The following BRINP3 variants were observed in gnomAD, a reference collection of about 807,000 sequenced individuals.
BRINP3 encodes BMP/retinoic acid-inducible neural-specific protein 3.
Under a neutral mutation model 71.0 loss-of-function variants are expected in BRINP3, and 19 were observed. That is an observed-to-expected ratio of 0.27 (90% CI 0.19 to 0.39). BRINP3 has a LOEUF of 0.39. Ranked by LOEUF, BRINP3 falls within the 10% of genes least tolerant of loss-of-function variation. The pLI is 1.00. For missense variants in BRINP3, 959 were observed against 940.8 expected (o/e 1.02, Z -0.25); for synonymous variants, 380 against 337.7 (o/e 1.13, Z -1.37).
chr1:190,206,711 A>C (rs978947643), intron 6 of BRINP3, among the ~76,000 whole-genome samples: 12 of 152,138 alleles, frequency 7.9e-5, no homozygotes, highest in African/African-American at 2.9e-4. Flanking sequence ...TCTGAATTCC[A>C]ATGACAAATT....
At chr1:190,290,921 G>A (rs549608669) in intron 2 of BRINP3, among the ~76,000 whole-genome samples, 1 of 152,016 alleles carries the variant, frequency 6.6e-6, no homozygotes, top group East Asian at 1.9e-4. Flanking sequence ...GTGTGTGTGT[G>A]TGTATTTGTG....
chr1:190,130,805 C>T (rs972370969), intron 7 of BRINP3, among the ~76,000 whole-genome samples: 5 of 151,888 alleles, frequency 3.3e-5, no homozygotes, highest in African/African-American at 9.7e-5. Context: ...ATAAAACAGG[C>T]GGTGCTTTCC....
chr1:190,412,855 G>C (rs1317016773), intron 2 of BRINP3, among the ~76,000 whole-genome samples: 1 of 151,944 alleles, frequency 6.6e-6, no homozygotes, highest in Non-Finnish European at 1.5e-5. Flanking sequence ...TGGGTTAAAA[G>C]TGCATGGTAG....
At chr1:190,291,061 T>C (rs763586517) in intron 2 of BRINP3, among the ~76,000 whole-genome samples, 26 of 151,954 alleles carry the variant, frequency 1.7e-4, no homozygotes, top group Non-Finnish European at 2.9e-4. Context: ...GAAATACTAA[T>C]ATATATCAAA....
intron 7 of BRINP3, among the ~76,000 whole-genome samples, chr1:190,131,417 A>G (rs1247986133): frequency 4.6e-5 from 7 of 151,972 alleles, no homozygotes; most frequent in Admixed American, 4.6e-4. Flanking sequence ...CTATCCTAAC[A>G]TGGTACATAA....
At chr1:190,148,156 T>C (rs1489040987) in intron 7 of BRINP3, among the ~76,000 whole-genome samples, 2 of 152,130 alleles carry the variant, frequency 1.3e-5, no homozygotes, top group Non-Finnish European at 2.9e-5. Context: ...TGGTGCTGAG[T>C]CTTTTTTCAT....
intron 4 of BRINP3, among the ~76,000 whole-genome samples, chr1:190,243,852 T>G (rs1364403072): frequency 2.6e-5 from 4 of 152,158 alleles, no homozygotes; most frequent in Admixed American, 6.6e-5. Flanking sequence ...CAGTGTTGAT[T>G]ATATTCATTT....
chr1:190,353,293 C>T (rs1351150616), intron 2 of BRINP3, among the ~76,000 whole-genome samples: 1 of 151,894 alleles, frequency 6.6e-6, no homozygotes. Flanking sequence ...TTTAGTATTC[C>T]TCAGCATGAT....
At chr1:190,132,910 G>T (rs552651630) in intron 7 of BRINP3, among the ~76,000 whole-genome samples, 2 of 152,120 alleles carry the variant, frequency 1.3e-5, no homozygotes, top group African/African-American at 4.8e-5. Flanking sequence ...ACGTCATAAG[G>T]ACACTCAAAA....
At chr1:190,177,162 T>TA (rs1179465601) in intron 6 of BRINP3, among the ~76,000 whole-genome samples, 5 of 121,912 alleles carry the variant, frequency 4.1e-5, no homozygotes, top group African/African-American at 1.6e-4. Flanking sequence ...TTTTTTTTTT[T>TA]TTTTTTTTTT....
chr1:190,161,437 C>A (rs185455219), intron 6 of BRINP3, among the ~76,000 whole-genome samples: 1 of 151,386 alleles, frequency 6.6e-6, no homozygotes, highest in Non-Finnish European at 1.5e-5. Flanking sequence ...AAACTATGCA[C>A]CCTAATTATA....
chr1:190,397,677 C>T (rs554450994), intron 2 of BRINP3, among the ~76,000 whole-genome samples: 1 of 151,876 alleles, frequency 6.6e-6, no homozygotes. Context: ...CCAAGAAACA[C>T]AACTGAATAT....
At chr1:190,445,078 G>A (rs1675119444) in intron 2 of BRINP3, among the ~76,000 whole-genome samples, 1 of 151,618 alleles carries the variant, frequency 6.6e-6, no homozygotes, top group South Asian at 2.1e-4. Flanking sequence ...TATATCCTAA[G>A]GCAGATTATG....
intron 2 of BRINP3, among the ~76,000 whole-genome samples, chr1:190,409,362 A>G (rs1042726856): frequency 1.3e-5 from 2 of 152,220 alleles, no homozygotes; most frequent in African/African-American, 4.8e-5. Context: ...AAATATTACT[A>G]TGGACACAGC....
chr1:190,439,605 AT>A, intron 2 of BRINP3, among the ~76,000 whole-genome samples: 1 of 151,872 alleles, frequency 6.6e-6, no homozygotes, highest in African/African-American at 2.4e-5. Context: ...TGGTGATCTA[AT>A]TAAGGGGCAT....
chr1:190,385,831 C>G (rs1461637918), intron 2 of BRINP3, among the ~76,000 whole-genome samples: 2 of 150,116 alleles, frequency 1.3e-5, no homozygotes, highest in Admixed American at 6.7e-5. Context: ...GGAACCAACC[C>G]AAATGTCCAA....
chr1:190,174,655 AGTATT>A (rs1652334697), intron 6 of BRINP3, among the ~76,000 whole-genome samples: 1 of 152,144 alleles, frequency 6.6e-6, no homozygotes. Context: ...CCAATTTCAT[AGTATT>A]TATAGTATGC....
rs114102913 is a variant in BRINP3, at chr1:190,383,371, T to C, written c.236+71284A>G. On this transcript the variant is annotated intron_variant, in intron 2 of 7. Transcript: ENST00000367462. ...AAGTGAGAACTCATCACAATGACAT[T>C]GTAACAATACATTTCCCTCGTAAGA... is the stretch of plus-strand genomic sequence containing the variant. Among the ~76,000 whole-genome samples, 924 of 152,184 alleles carry C rather than the reference T, an allele frequency of 6.1e-3. 16 individuals carry two copies. The highest frequency in any genetic ancestry group is 0.021 in the African/African-American group (861 of 41,550).
intron 2 of BRINP3, among the ~76,000 whole-genome samples, chr1:190,358,780 G>T (rs1474855098): frequency 6.6e-6 from 1 of 152,128 alleles, no homozygotes; most frequent in Non-Finnish European, 1.5e-5. Context: ...AACAATGATA[G>T]ACTGGATTAA....
Sources: allele counts gnomAD v4.1 joint callset (sites outside exome capture counted in the v4.1 genomes callset), GRCh38; gene constraint gnomAD v4.1.1; transcripts MANE v1.5; gene names NCBI Gene and HGNC (gene_info 2026-07-23, HGNC 2026-07-21).